MARCHF1: variants seen among roughly 807,000 people sequenced by gnomAD.
MARCHF1 encodes the protein membrane associated ring-CH-type finger 1.
A neutral mutation model predicts 54.2 loss-of-function variants in MARCHF1; 40 were observed. The observed-to-expected ratio is 0.74, with a 90% CI of 0.57 to 0.96. The LOEUF is 0.96. Ranked by LOEUF, MARCHF1 falls within the 40% of genes least tolerant of loss-of-function variation. MARCHF1 has a pLI of 0.00. For synonymous variants in MARCHF1, 236 were observed against 236.3 expected (o/e 1.00, Z 0.01); for missense variants, 586 against 656.5 (o/e 0.89, Z 1.17).
chr4:163,889,774 A>T (rs1254652286), intron 3 of MARCHF1, among the ~76,000 whole-genome samples: 1 of 151,768 alleles, frequency 6.6e-6, no homozygotes, highest in African/African-American at 2.4e-5. Flanking sequence ...GACCACTGTC[A>T]CACCCTCTTA....
At chr4:164,071,457 A>G (rs1478076152) in intron 2 of MARCHF1, among the ~76,000 whole-genome samples, 5 of 152,130 alleles carry the variant, frequency 3.3e-5, no homozygotes, top group Admixed American at 1.3e-4. Context: ...AAAATATGAT[A>G]CTTTTAAATA....
intron 4 of MARCHF1, among the ~76,000 whole-genome samples, chr4:163,819,810 G>C (rs1748642341): frequency 6.6e-6 from 1 of 152,036 alleles, no homozygotes; most frequent in Admixed American, 6.6e-5. Context: ...TAAAGAGGTT[G>C]TCCCATGCCT....
At chr4:164,370,529 G>A (rs767473539) in intron 1 of MARCHF1, among the ~76,000 whole-genome samples, 5 of 152,208 alleles carry the variant, frequency 3.3e-5, no homozygotes, top group Non-Finnish European at 4.4e-5. Context: ...AGCCAAAGAA[G>A]TGCAGGAGTT....
At chr4:164,036,261 C>T (rs1754000148) in intron 2 of MARCHF1, among the ~76,000 whole-genome samples, 1 of 151,854 alleles carries the variant, frequency 6.6e-6, no homozygotes, top group Non-Finnish European at 1.5e-5. Context: ...ATAAGTAATC[C>T]CCTTTAATTA....
intron 4 of MARCHF1, among the ~76,000 whole-genome samples, chr4:163,780,043 G>A (rs1057007921): frequency 6.6e-6 from 1 of 152,148 alleles, no homozygotes; most frequent in African/African-American, 2.4e-5. Flanking sequence ...ACCAGGCTTG[G>A]ACCACACGGA....
rs905644920 is a variant in MARCHF1, at chr4:163,527,413, A to T, written c.*1335T>A. 2.6e-5 allele frequency: 4 copies of T among 152,110 alleles called. No individual in the cohort carries two copies. The highest frequency in any genetic ancestry group is 4.4e-5 in the Non-Finnish European group (3 of 67,974). 9.4% of individuals were successfully genotyped at this position (152,110 alleles called of 1,614,324 possible). On this transcript the variant is annotated 3_prime_UTR_variant, in exon 10 of 10. Coordinates refer to ENST00000514618, the MANE Select transcript of MARCHF1 (RefSeq NM_001394959.1). ...AGTTGACACCTCATATGGATGAAAT[A>T]AGCCTTACACATTTGATTTAATAAC...
rs1309040484 is a variant in MARCHF1, at chr4:163,835,853, C to G, written c.111+18168G>C. ...CCAGTTTATGCAGAGAGTTAACGTA[C>G]TATAATTAGAAATAGATTGTTTTTT... On this transcript the variant is annotated intron_variant, in intron 4 of 9. Transcript: ENST00000514618. Among the ~76,000 whole-genome samples the G allele has an allele frequency of 1.5e-4, 19 of 129,800 alleles. No homozygotes were observed. The Admixed American group carries it at 1.6e-3, about 11-fold the overall frequency. 85.2% of individuals were successfully genotyped at this position (129,800 alleles called of 152,430 possible).
At chr4:163,798,279 C>G (rs978349424) in intron 4 of MARCHF1, among the ~76,000 whole-genome samples, 2 of 152,072 alleles carry the variant, frequency 1.3e-5, no homozygotes, top group Non-Finnish European at 2.9e-5. Flanking sequence ...AGAAGACAAC[C>G]GTCTGCAAGC....
chr4:163,603,059 G>A (rs1741023706), intron 7 of MARCHF1, among the ~76,000 whole-genome samples: 1 of 152,076 alleles, frequency 6.6e-6, no homozygotes. Flanking sequence ...CTGTTCCAAA[G>A]GTTTGCAGAG....
chr4:163,609,932 T>C (rs1464543075), intron 7 of MARCHF1, among the ~76,000 whole-genome samples: 2 of 152,006 alleles, frequency 1.3e-5, no homozygotes, highest in Non-Finnish European at 2.9e-5. Flanking sequence ...AATGTCTTAT[T>C]TTAAAGAGTT....
chr4:163,916,590 C>A (rs1342851912), intron 3 of MARCHF1, among the ~76,000 whole-genome samples: 1 of 152,100 alleles, frequency 6.6e-6, no homozygotes, highest in Non-Finnish European at 1.5e-5. Context: ...TTCCTAGGCT[C>A]TGAGAAACAC....
chr4:163,751,726 C>G (rs1746526948), intron 4 of MARCHF1, among the ~76,000 whole-genome samples: 1 of 151,956 alleles, frequency 6.6e-6, no homozygotes, highest in African/African-American at 2.4e-5. Flanking sequence ...GACTGAAAGA[C>G]ACAATATTGA....
intron 1 of MARCHF1, among the ~76,000 whole-genome samples, chr4:164,369,651 G>A (rs896646943): frequency 3.3e-5 from 5 of 151,884 alleles, no homozygotes; most frequent in African/African-American, 4.8e-5. Flanking sequence ...ATGTACTTAC[G>A]TACTATAATG....
At chr4:163,711,362 T>C (rs1392743334) in intron 4 of MARCHF1, among the ~76,000 whole-genome samples, 1 of 152,208 alleles carries the variant, frequency 6.6e-6, no homozygotes, top group East Asian at 1.9e-4. Context: ...ATCATGTTCA[T>C]TTGCGTTTCA....
intron 1 of MARCHF1, among the ~76,000 whole-genome samples, chr4:164,355,502 C>A (rs1386175803): frequency 9.7e-5 from 12 of 123,820 alleles, no homozygotes; most frequent in African/African-American, 3.5e-4. Context: ...CTGAGAAAAA[C>A]AAGCAATGGG....
At chr4:164,303,211 T>G (rs1734609519) in intron 1 of MARCHF1, among the ~76,000 whole-genome samples, 1 of 152,222 alleles carries the variant, frequency 6.6e-6, no homozygotes, top group Non-Finnish European at 1.5e-5. Flanking sequence ...TTTGTTTTCC[T>G]TCTTCCAATC....
intron 5 of MARCHF1, among the ~76,000 whole-genome samples, chr4:163,681,805 T>A (rs906926654): frequency 2.6e-5 from 4 of 152,194 alleles, no homozygotes; most frequent in Admixed American, 2.6e-4. Context: ...GAGAACAGAC[T>A]AATACAGTAA....
At chr4:164,072,413 T>A (rs1465815948) in intron 2 of MARCHF1, among the ~76,000 whole-genome samples, 1 of 151,874 alleles carries the variant, frequency 6.6e-6, no homozygotes, top group Non-Finnish European at 1.5e-5. Flanking sequence ...GTATAAAAAT[T>A]AACTGGGTGT....
intron 5 of MARCHF1, among the ~76,000 whole-genome samples, chr4:163,626,147 C>T (rs1042203998): frequency 2.6e-5 from 4 of 152,128 alleles, no homozygotes; most frequent in African/African-American, 9.7e-5. Context: ...AACAGGAGGC[C>T]AGCTGCACTA....
Sources: allele counts gnomAD v4.1 joint callset (sites outside exome capture counted in the v4.1 genomes callset), GRCh38; gene constraint gnomAD v4.1.1; transcripts MANE v1.5; gene names NCBI Gene and HGNC (gene_info 2026-07-23, HGNC 2026-07-21).